The following TMEM132C variants were observed in gnomAD, a reference collection of about 807,000 sequenced individuals.
TMEM132C encodes transmembrane protein 132C.
In TMEM132C, 29 loss-of-function variants were observed where a neutral mutation model predicts 61.4. That is an observed-to-expected ratio of 0.47 (90% CI 0.35 to 0.64). The LOEUF (loss-of-function observed/expected upper bound fraction) is 0.64. TMEM132C is among the 30% of genes least tolerant of loss of function. TMEM132C has a pLI of 0.00. For synonymous variants in TMEM132C, 656 were observed against 633.1 expected, an observed-to-expected ratio of 1.04 and a Z score of -0.54; for missense variants, 1,408 against 1,476.9, an observed-to-expected ratio of 0.95 and a Z score of 0.76.
intron 1 of TMEM132C, among the ~76,000 whole-genome samples, chr12:128,341,951 CT>C (rs1261152274): frequency 6.6e-6 from 1 of 152,110 alleles, no homozygotes; most frequent in African/African-American, 2.4e-5. Context: ...TCTTCTCTCT[CT>C]TTCCACTACC....
At chr12:128,602,642 C>T (rs1308564587) in intron 3 of TMEM132C, among the ~76,000 whole-genome samples, 1 of 152,226 alleles carries the variant, frequency 6.6e-6, no homozygotes, top group African/African-American at 2.4e-5. Context: ...ATCCTCACTG[C>T]TCCACCCATT....
intron 1 of TMEM132C, among the ~76,000 whole-genome samples, chr12:128,407,338 A>C (rs1054968837): frequency 1.3e-5 from 2 of 152,130 alleles, no homozygotes; most frequent in Admixed American, 6.5e-5. Context: ...GAATCCATTA[A>C]ACCTCTTTTT....
chr12:128,598,412 A>T (rs1876046703), intron 3 of TMEM132C, among the ~76,000 whole-genome samples: 1 of 152,098 alleles, frequency 6.6e-6, no homozygotes, highest in Non-Finnish European at 1.5e-5. Flanking sequence ...CTCCAGCCAG[A>T]GCAACAGAGT....
rs1178859285 is a variant in TMEM132C at position 128,278,886 on chromosome 12, A to G, written c.85+11399A>G. On this transcript the variant is annotated intron_variant, in intron 1 of 8. Coordinates refer to ENST00000435159, the MANE Select transcript of TMEM132C (RefSeq NM_001136103.3). This position sits in a 1 kb window ranked among gnomAD's most constrained non-coding sequence, Gnocchi z 4.2. ...TGAGTTGAAGGCCTGCAGAGATCAAAAGGCTGACCACCCCTAGAAGACAAG... is the reference window on the plus strand; with the variant it reads ...TGAGTTGAAGGCCTGCAGAGATCAAGAGGCTGACCACCCCTAGAAGACAAG... 6.6e-6 allele frequency among the ~76,000 whole-genome samples: 1 copy of G among 151,956 alleles called. No individual in the cohort carries two copies. The highest frequency in any genetic ancestry group is 1.5e-5 in the Non-Finnish European group (1 of 67,998).
intron 3 of TMEM132C, among the ~76,000 whole-genome samples, chr12:128,550,980 A>G (rs1204116894): frequency 6.6e-6 from 1 of 152,108 alleles, no homozygotes; most frequent in African/African-American, 2.4e-5. Flanking sequence ...ACACGGTTGG[A>G]CTCAGAGCTT....
At chr12:128,537,069 C>T (rs1159990996) in intron 2 of TMEM132C, among the ~76,000 whole-genome samples, 1 of 152,176 alleles carries the variant, frequency 6.6e-6, no homozygotes, top group Non-Finnish European at 1.5e-5. Flanking sequence ...CATGTGTATG[C>T]ACAGCTGAGT....
intron 2 of TMEM132C, among the ~76,000 whole-genome samples, chr12:128,511,606 GC>G (rs1565958002): frequency 6.6e-6 from 1 of 152,196 alleles, no homozygotes; most frequent in Non-Finnish European, 1.5e-5. Flanking sequence ...CACTTTCCTG[GC>G]CTTGTATCAC....
At position 128,705,916 on chromosome 12, in the gene TMEM132C, G is replaced by T; in HGVS notation, c.2948G>T (p.Ser983Ile). ...WLGNEAELLESMGDAPPPQDE... is the reference protein window; with the variant it reads ...WLGNEAELLEIMGDAPPPQDE... Reference sequence around the variant, plus strand: ...GGCAATGAGGCCGAACTCCTGGAGAGCATGGGGGATGCGCCGCCGCCCCAG... The same window carrying T: ...GGCAATGAGGCCGAACTCCTGGAGATCATGGGGGATGCGCCGCCGCCCCAG... The change falls in exon 9 of 9, where the codon AGC (serine) becomes ATC (isoleucine). Residue 983 changes from serine (S) to isoleucine (I), a missense_variant. Physicochemically the swap from Ser to Ile is moderately radical, Grantham distance 142. Transcript: ENST00000435159. 3.2e-6 allele frequency: 5 copies of T among 1,551,434 alleles called. No individual in the cohort carries two copies. The highest frequency in any genetic ancestry group is 4.4e-6 in the Non-Finnish European group (5 of 1,146,958).
intron 2 of TMEM132C, among the ~76,000 whole-genome samples, chr12:128,429,295 C>A (rs1486684933): frequency 6.6e-6 from 1 of 152,194 alleles, no homozygotes; most frequent in Non-Finnish European, 1.5e-5. Flanking sequence ...TCCCCACTAA[C>A]CCCACAAAGA....
Position 128,267,212 on chromosome 12 carries a change from A to T in TMEM132C, c.-191A>T, listed in dbSNP as rs1481123604. On this transcript the variant is annotated 5_prime_UTR_variant, in exon 1 of 9. Transcript: ENST00000435159. ...GGAGCGCGAGCAGCGGCGGAGCCGG[A>T]GCCGCCAGAGCCAGAGCCGGAGCTG... Among the ~76,000 whole-genome samples the T allele has an allele frequency of 6.8e-6, 1 of 146,000 alleles. No homozygotes were observed. The highest frequency in any genetic ancestry group is 1.5e-5 in the Non-Finnish European group (1 of 65,902).
intron 1 of TMEM132C, among the ~76,000 whole-genome samples, chr12:128,366,991 T>C (rs1445688609): frequency 1.3e-5 from 2 of 152,306 alleles, no homozygotes; most frequent in Non-Finnish European, 2.9e-5. Flanking sequence ...AGAACTTGGC[T>C]TTGATATTCT....
chr12:128,450,779 G>A (rs995287254), intron 2 of TMEM132C, among the ~76,000 whole-genome samples: 1 of 151,990 alleles, frequency 6.6e-6, no homozygotes, highest in African/African-American at 2.4e-5. Flanking sequence ...AGGCAATTAC[G>A]GAAATTCAAG....
intron 1 of TMEM132C, among the ~76,000 whole-genome samples, chr12:128,381,552 C>A (rs913964065): frequency 6.6e-6 from 1 of 152,172 alleles, no homozygotes; most frequent in African/African-American, 2.4e-5. Flanking sequence ...AACCGACCAG[C>A]AAACCTATGG....
At chr12:128,322,089 G>T in intron 1 of TMEM132C, among the ~76,000 whole-genome samples, 1 of 152,234 alleles carries the variant, frequency 6.6e-6, no homozygotes, top group East Asian at 1.9e-4. Flanking sequence ...TCGAACCTGA[G>T]ATGTTTTGTG....
At chr12:128,534,498 A>G (rs1873447234) in intron 2 of TMEM132C, among the ~76,000 whole-genome samples, 1 of 152,228 alleles carries the variant, frequency 6.6e-6, no homozygotes, top group South Asian at 2.1e-4. Context: ...CAGATGAAGA[A>G]AGAAAAGCAC....
At chr12:128,516,766 T>C (rs1872732771) in intron 2 of TMEM132C, among the ~76,000 whole-genome samples, 1 of 151,970 alleles carries the variant, frequency 6.6e-6, no homozygotes, top group African/African-American at 2.4e-5. Flanking sequence ...ATTTTTAAAT[T>C]AGCCAGGTGT....
intron 1 of TMEM132C, among the ~76,000 whole-genome samples, chr12:128,380,516 GA>G (rs1272185722): frequency 6.6e-6 from 1 of 152,256 alleles, no homozygotes; most frequent in Non-Finnish European, 1.5e-5. Flanking sequence ...CTAAGACAGA[GA>G]AATTGGAGGG....
intron 1 of TMEM132C, among the ~76,000 whole-genome samples, chr12:128,315,819 G>T (rs1008277159): frequency 6.6e-6 from 1 of 151,872 alleles, no homozygotes; most frequent in African/African-American, 2.4e-5. Context: ...AGAAGGCCAC[G>T]CAGTGAAGAA....
At chr12:128,701,246 TA>T (rs35380407) in intron 8 of TMEM132C, among the ~76,000 whole-genome samples, 190 of 143,060 alleles carry the variant, frequency 1.3e-3, no homozygotes, top group Non-Finnish European at 1.5e-3. Context: ...AAAAATAAGT[TA>T]AAAAAAAAAA....
Sources: allele counts gnomAD v4.1 joint callset (sites outside exome capture counted in the v4.1 genomes callset), GRCh38; gene constraint gnomAD v4.1.1; non-coding constraint Gnocchi (gnomAD v3.1); transcripts MANE v1.5; gene names NCBI Gene and HGNC (gene_info 2026-07-23, HGNC 2026-07-21).